CDH18: variants seen among roughly 807,000 people sequenced by gnomAD.
The protein encoded by CDH18 is cadherin 18.
In CDH18, 31 loss-of-function variants were observed where a neutral mutation model predicts 67.9. The observed-to-expected ratio is 0.46, with a 90% CI of 0.34 to 0.62. CDH18 has a LOEUF of 0.62. Ranked by LOEUF, CDH18 falls within the 20% of genes least tolerant of loss-of-function variation. The pLI, the probability that CDH18 is intolerant of heterozygous loss-of-function variation, is 0.01. For missense variants in CDH18, 890 were observed against 975.5 expected, an observed-to-expected ratio of 0.91 and a Z score of 1.17; for synonymous variants, 362 against 347.2, an observed-to-expected ratio of 1.04 and a Z score of -0.48.
intron 2 of CDH18, among the ~76,000 whole-genome samples, chr5:20,213,297 G>A (rs1397332279): frequency 6.6e-6 from 1 of 152,088 alleles, no homozygotes; most frequent in Non-Finnish European, 1.5e-5. Context: ...TCTTATACGG[G>A]CACAGATTGT....
At chr5:20,101,391 T>C (rs1746452432) in intron 2 of CDH18, among the ~76,000 whole-genome samples, 1 of 152,186 alleles carries the variant, frequency 6.6e-6, no homozygotes, top group Admixed American at 6.5e-5. Flanking sequence ...TTTCATGTAA[T>C]GTAAAAAATA....
intron 8 of CDH18, among the ~76,000 whole-genome samples, chr5:19,563,332 C>G (rs748997632): frequency 7.2e-5 from 11 of 152,122 alleles, no homozygotes; most frequent in Non-Finnish European, 1.5e-4. Flanking sequence ...GTTTCTTCAT[C>G]TATAGAATGG....
intron 2 of CDH18, among the ~76,000 whole-genome samples, chr5:20,187,054 C>T (rs773821358): frequency 3.3e-5 from 5 of 151,672 alleles, no homozygotes; most frequent in Non-Finnish European, 4.4e-5. Context: ...AATATAAATA[C>T]GGTATGATTT....
intron 8 of CDH18, among the ~76,000 whole-genome samples, chr5:19,564,838 G>T (rs1740077855): frequency 6.6e-6 from 1 of 151,470 alleles, no homozygotes; most frequent in African/African-American, 2.4e-5. Context: ...TAACTGCCCT[G>T]AAGGAAGAGA....
At chr5:19,766,676 C>T (rs1773129013) in intron 3 of CDH18, among the ~76,000 whole-genome samples, 1 of 152,170 alleles carries the variant, frequency 6.6e-6, no homozygotes. Context: ...TCATTTGGCT[C>T]ATTCACTCTG....
At chr5:20,046,439 G>T (rs917201752) in intron 2 of CDH18, among the ~76,000 whole-genome samples, 1 of 151,724 alleles carries the variant, frequency 6.6e-6, no homozygotes, top group Non-Finnish European at 1.5e-5. Flanking sequence ...ATATGGGCCA[G>T]TAGTTAGAAG....
At chr5:19,517,164 A>G (rs902645299) in intron 10 of CDH18, among the ~76,000 whole-genome samples, 1 of 152,162 alleles carries the variant, frequency 6.6e-6, no homozygotes, top group Non-Finnish European at 1.5e-5. Flanking sequence ...CTAGGCCTGT[A>G]GCGATATCAC....
At chr5:20,160,903 A>C (rs1751920264) in intron 2 of CDH18, among the ~76,000 whole-genome samples, 1 of 152,244 alleles carries the variant, frequency 6.6e-6, no homozygotes, top group Non-Finnish European at 1.5e-5. Context: ...GTATTTTTAA[A>C]TGGTTATAAA....
chr5:20,108,250 T>C (rs1213620304), intron 2 of CDH18, among the ~76,000 whole-genome samples: 2 of 151,892 alleles, frequency 1.3e-5, no homozygotes, highest in Non-Finnish European at 2.9e-5. Context: ...CGGCTAATTT[T>C]ATTTTATTTT....
chr5:19,970,701 G>GA (rs912419781), intron 2 of CDH18, among the ~76,000 whole-genome samples: 8 of 151,126 alleles, frequency 5.3e-5, no homozygotes, highest in African/African-American at 1.9e-4. Context: ...AAGATTTTTT[G>GA]AAAATCCCTA....
chr5:19,816,335 TA>T, intron 3 of CDH18, among the ~76,000 whole-genome samples: 1 of 151,988 alleles, frequency 6.6e-6, no homozygotes, highest in South Asian at 2.1e-4. Flanking sequence ...TTTAGTCAGT[TA>T]AAAACATCAT....
At chr5:19,663,351 A>G (rs1377887669) in intron 5 of CDH18, among the ~76,000 whole-genome samples, 2 of 151,972 alleles carry the variant, frequency 1.3e-5, no homozygotes, top group Non-Finnish European at 2.9e-5. Context: ...GTACATTTAT[A>G]TGAACCTGTT....
At chr5:19,555,299 G>T (rs1448926537) in intron 8 of CDH18, among the ~76,000 whole-genome samples, 1 of 152,206 alleles carries the variant, frequency 6.6e-6, no homozygotes, top group African/African-American at 2.4e-5. Flanking sequence ...GTGGACTGCA[G>T]CTGCAGGCTC....
chr5:20,302,492 C>T (rs1435005390), intron 1 of CDH18, among the ~76,000 whole-genome samples: 2 of 152,098 alleles, frequency 1.3e-5, no homozygotes, highest in Non-Finnish European at 2.9e-5. Flanking sequence ...TCTCTCTGCG[C>T]GGATTCATCC....
chr5:19,924,452 C>T (rs190951331), intron 2 of CDH18, among the ~76,000 whole-genome samples: 189 of 152,140 alleles, frequency 1.2e-3, no homozygotes, highest in African/African-American at 4.2e-3. Flanking sequence ...GCCTGGTCAA[C>T]GTGGCAAAAC....
At chr5:19,506,384 T>G (rs1744162990) in intron 10 of CDH18, among the ~76,000 whole-genome samples, 1 of 152,194 alleles carries the variant, frequency 6.6e-6, no homozygotes, top group South Asian at 2.1e-4. Flanking sequence ...CCAATGACTT[T>G]CTTCACAGAA....
intron 2 of CDH18, among the ~76,000 whole-genome samples, chr5:20,196,253 G>A (rs1468881397): frequency 6.6e-6 from 1 of 151,694 alleles, no homozygotes; most frequent in African/African-American, 2.4e-5. Flanking sequence ...GAGTTATAGT[G>A]TTTACTAATT....
chr5:20,179,433 G>A (rs900577524), intron 2 of CDH18, among the ~76,000 whole-genome samples: 1 of 152,128 alleles, frequency 6.6e-6, no homozygotes, highest in Admixed American at 6.6e-5. Flanking sequence ...TAAGTAAACT[G>A]CGAAGTACTT....
At chr5:19,863,607 C>G (rs1271587618) in intron 2 of CDH18, among the ~76,000 whole-genome samples, 1 of 152,126 alleles carries the variant, frequency 6.6e-6, no homozygotes, top group Admixed American at 6.5e-5. Flanking sequence ...CCATGCTCAG[C>G]CCCCACTAAG....
Sources: gnomAD v4.1 joint callset for allele counts (sites outside exome capture counted in the v4.1 genomes callset) on GRCh38, gnomAD v4.1.1 for gene constraint, MANE v1.5 for transcripts, NCBI Gene and HGNC (gene_info 2026-07-23, HGNC 2026-07-21) for gene names.